The following ORMDL2 variants were observed in gnomAD, a reference collection of about 807,000 sequenced individuals.
ORMDL2 encodes ORM1-like protein 2.
In ORMDL2, 11 loss-of-function variants were observed where a neutral mutation model predicts 13.5. The ratio of observed to expected loss-of-function variants is 0.82; its 90% confidence interval spans 0.51 to 1.35. The LOEUF is 1.35. Among genes scored for constraint, ORMDL2 ranks in the 40% most tolerant of loss-of-function variants. The probability of loss-of-function intolerance (pLI) is 0.00; values close to 1 mark genes in which losing one functional copy is unlikely to be tolerated. For missense variants in ORMDL2, 160 were observed against 191.1 expected (o/e 0.84, Z 0.96); for synonymous variants, 73 against 76.5 (o/e 0.95, Z 0.24).
At position 55,820,519 on chromosome 12, in the gene ORMDL2, T is replaced by G. The variant is rs1880638535; in HGVS notation, c.*124T>G. 8.8e-7 allele frequency: 1 copy of G among 1,135,570 alleles called. No homozygotes were observed. Among genetic ancestry groups the G allele is most frequent in the Admixed American group, 1.8e-5 (1 of 54,894 alleles). 70.3% of individuals were successfully genotyped at this position (1,135,570 alleles called of 1,614,324 possible). On this transcript the variant is annotated 3_prime_UTR_variant, in exon 4 of 4. Transcript: ENST00000243045. Reference sequence around the variant, plus strand: ...TTTAAAGCCTGAGAACTATACAACCTTTCCCAGACTCCCAAGAAGAGAAGA... The same window carrying G: ...TTTAAAGCCTGAGAACTATACAACCGTTCCCAGACTCCCAAGAAGAGAAGA...
chr12:55,818,237 A>T (rs1880567436), intron 1 of ORMDL2, 125 bp downstream of exon 1: 1 of 324,096 alleles, frequency 3.1e-6, no homozygotes, highest in Non-Finnish European at 6.3e-6. Context: ...AAAACCGATG[A>T]ACATGAGGAG....
chr12:55,820,309 A>G lies in ORMDL2; in HGVS notation c.376A>G (p.Ile126Val). 6.2e-7 allele frequency: 1 copy of G among 1,613,960 alleles called. No homozygotes were observed. The highest frequency in any genetic ancestry group is 1.1e-5 in the South Asian group (1 of 91,074). The change falls in exon 4 of 4, where the codon ATC (isoleucine) becomes GTC (valine). Residue 126 changes from isoleucine to valine, a missense_variant. By Grantham distance (29) the Ile-to-Val change is conservative. Coordinates refer to ENST00000243045, the MANE Select transcript of ORMDL2 (RefSeq NM_014182.5). Reference sequence around the variant, plus strand: ...CAAGTATGATGCTGCGCACTTCCTCATCAACACAGCCTCATTGCTAAGTGT... The same window carrying G: ...CAAGTATGATGCTGCGCACTTCCTCGTCAACACAGCCTCATTGCTAAGTGT... ...YTKYDAAHFLINTASLLSVLL... is the reference protein window; with the variant it reads ...YTKYDAAHFLVNTASLLSVLL...
chr12:55,819,094 T>G lies in ORMDL2; in HGVS notation c.95T>G (p.Leu32Trp), dbSNP rs1325432977. ...IWLAYIILVG[L>W]LHMVLLSIPF... ...CTGGCCTACATCATCTTGGTAGGATTGCTGCATATGGTTCTACTCAGCATC... is the reference window on the plus strand; with the variant it reads ...CTGGCCTACATCATCTTGGTAGGATGGCTGCATATGGTTCTACTCAGCATC... The change falls in exon 2 of 4, where the codon TTG becomes TGG. Residue 32 changes from leucine to tryptophan, a missense_variant. By Grantham distance (61) the Leu-to-Trp change is moderately conservative. Transcript: ENST00000243045. The G allele has an allele frequency of 6.2e-7, 1 of 1,614,174 alleles. No homozygotes were observed. The highest frequency in any genetic ancestry group is 8.5e-7 in the Non-Finnish European group (1 of 1,180,008).
rs111416072 is a variant in ORMDL2 at position 55,820,527 on chromosome 12, A to G, written c.*132A>G. The G allele has an allele frequency of 1.0e-5, 11 of 1,093,966 alleles. No homozygotes were observed. Among genetic ancestry groups the G allele is most frequent in the African/African-American group, 9.3e-5 (6 of 64,654 alleles). The allele number at this position is 1,093,966 out of a possible 1,614,324, so 67.8% of individuals were successfully genotyped here. On this transcript the variant is annotated 3_prime_UTR_variant, in exon 4 of 4. Coordinates refer to ENST00000243045, the MANE Select transcript of ORMDL2 (RefSeq NM_014182.5). ...CTGAGAACTATACAACCTTTCCCAG[A>G]CTCCCAAGAAGAGAAGAGATTGGCA...
chr12:55,818,140 G>A (rs922856745), intron 1 of ORMDL2, 28 bp downstream of exon 1: 16 of 465,694 alleles, frequency 3.4e-5, no homozygotes, highest in African/African-American at 3.2e-4. Flanking sequence ...TGTAAGGGTT[G>A]CTGAGGAAAA....
Position 55,820,449 on chromosome 12 carries a change from A to G in ORMDL2, c.*54A>G. The G allele has an allele frequency of 6.4e-7, 1 of 1,574,774 alleles. No individual in the cohort carries two copies. The highest frequency in any genetic ancestry group is 8.7e-7 in the Non-Finnish European group (1 of 1,144,186). The stretch of plus-strand genomic sequence containing the variant: ...CATGGGGAAGGCACTGAAACAGAGG[A>G]CTATAAAACATCCTTCTCTTATTCT... On this transcript the variant is annotated 3_prime_UTR_variant, in exon 4 of 4. Transcript: ENST00000243045.
rs1386489389 is a variant in ORMDL2, at chr12:55,820,537, A to G, written c.*142A>G. 2.0e-6 allele frequency: 2 copies of G among 1,023,990 alleles called. No homozygotes were observed. The highest frequency in any genetic ancestry group is 3.2e-5 in the African/African-American group (2 of 62,702). 63.4% of individuals were successfully genotyped at this position (1,023,990 alleles called of 1,614,324 possible). On this transcript the variant is annotated 3_prime_UTR_variant, in exon 4 of 4. Coordinates refer to ENST00000243045, the MANE Select transcript of ORMDL2 (RefSeq NM_014182.5). ...TACAACCTTTCCCAGACTCCCAAGA[A>G]GAGAAGAGATTGGCAAATGGGGCTC... is the stretch of plus-strand genomic sequence containing the variant.
At chr12:55,820,146 G>C in intron 3 of ORMDL2, 114 bp from the exon 4 acceptor site, 1 of 940,312 alleles carries the variant, frequency 1.1e-6, no homozygotes, top group Non-Finnish European at 1.6e-6. Context: ...TCACACTTAT[G>C]AATAGCCACT....
Position 55,821,855 on chromosome 12 carries a change from CAAAAAA to C in ORMDL2, c.*1461_*1466del. 8.5e-7 allele frequency: 1 copy of C among 1,174,404 alleles called. No individual in the cohort carries two copies. Among genetic ancestry groups the C allele is most frequent in the Non-Finnish European group, 1.2e-6 (1 of 843,400 alleles). 72.7% of individuals were successfully genotyped at this position (1,174,404 alleles called of 1,614,324 possible). ...TGGGCAACAGAGCAAGACTCCATCT[CAAAAAA>C]TAAAAAGAAAAAGATTCAGTTCCTA... is the stretch of plus-strand genomic sequence containing the variant. On this transcript the variant is annotated 3_prime_UTR_variant, in exon 4 of 4. Transcript: ENST00000243045.
Position 55,819,013 on chromosome 12 carries a change from T to C in ORMDL2, c.14T>C (p.Val5Ala). The part of the protein sequence containing the change: MNVG[V>A]AHSEVNPNTR... ...ATTACGGCTAGGATGAATGTGGGGG[T>C]GGCACACAGCGAAGTAAACCCCAAC... The change falls in exon 2 of 4, where the codon GTG (valine) becomes GCG (alanine). Residue 5 changes from valine to alanine, a missense_variant. By Grantham distance (64) the Val-to-Ala change is moderately conservative. Transcript: ENST00000243045. 2 of 1,613,376 alleles carry C rather than the reference T, an allele frequency of 1.2e-6. No individual in the cohort carries two copies. Among genetic ancestry groups the C allele is most frequent in the South Asian group, 1.1e-5 (1 of 91,056 alleles).
Position 55,818,304 on chromosome 12 carries a change from C to A in ORMDL2, c.-2+192C>A, listed in dbSNP as rs538258075. On this transcript the variant is annotated intron_variant, in intron 1 of 3. Transcript: ENST00000243045. ...GAACTGGCGGTGGGGCTGGGGCGGG[C>A]AAGAGCCGCTTCCTAACCAGACATC... The A allele has an allele frequency of 9.8e-4, 324 of 329,974 alleles. 3 individuals carry two copies. The highest frequency in any genetic ancestry group is 1.4e-3 in the Non-Finnish European group (237 of 165,332). The allele number at this position is 329,974 out of a possible 1,614,324, so 20.4% of individuals were successfully genotyped here.
rs577712540 is a variant in ORMDL2 at position 55,820,701 on chromosome 12, T to TA, written c.*307dup. On this transcript the variant is annotated 3_prime_UTR_variant, in exon 4 of 4. Coordinates refer to ENST00000243045, the MANE Select transcript of ORMDL2 (RefSeq NM_014182.5). ...TACATCTTTCCATATCTTTTACACTTACCACCTTCCAGCTCTGTTTTGCTG... is the reference window on the plus strand; with the variant it reads ...TACATCTTTCCATATCTTTTACACTTAACCACCTTCCAGCTCTGTTTTGCTG... 215 of 348,126 alleles carry TA rather than the reference T, an allele frequency of 6.2e-4. 1 individual carries two copies. Among genetic ancestry groups the TA allele is most frequent in the Non-Finnish European group, 9.3e-4 (171 of 184,426 alleles). The allele number at this position is 348,126 out of a possible 1,614,324, so 21.6% of individuals were successfully genotyped here. A position where few individuals can be genotyped will look rare whatever the true frequency, so the allele number is the denominator to read the frequency against.
rs996697107 is a variant in ORMDL2 at position 55,818,120 on chromosome 12, C to T, written c.-2+8C>T. 1.0e-5 allele frequency: 5 copies of T among 477,158 alleles called. No individual in the cohort carries two copies. The highest frequency in any genetic ancestry group is 3.9e-5 in the African/African-American group (2 of 50,908). 29.6% of individuals were successfully genotyped at this position (477,158 alleles called of 1,614,324 possible). Reference sequence around the variant, plus strand: ...GGGGATCTGAGCTGGCAGGTAGGAGCTGCAAAGACTGTAAGGGTTGCTGAG... The same window carrying T: ...GGGGATCTGAGCTGGCAGGTAGGAGTTGCAAAGACTGTAAGGGTTGCTGAG... On this transcript the variant is annotated splice_region_variant and intron_variant, in intron 1 of 3. Transcript: ENST00000243045.
rs150946604 is a variant in ORMDL2 at position 55,819,402 on chromosome 12, A to G, written c.235A>G (p.Lys79Glu). ...GTPFETPDQGKARLLTHWEQM... is the reference protein window; with the variant it reads ...GTPFETPDQGEARLLTHWEQM... The stretch of plus-strand genomic sequence containing the variant: ...ACCCTTTGAGACTCCTGACCAAGGA[A>G]AGGCTCGGCTACTGACACACTGGGA... The change falls in exon 3 of 4, where the codon AAG (lysine) becomes GAG (glutamate). Residue 79 changes from lysine to glutamate, a missense_variant. By Grantham distance (56) the Lys-to-Glu change is moderately conservative. Coordinates refer to ENST00000243045, the MANE Select transcript of ORMDL2 (RefSeq NM_014182.5). 322 of 1,614,114 alleles carry G rather than the reference A, an allele frequency of 2.0e-4. 3 individuals carry two copies. In the East Asian group the frequency reaches 4.5e-3, roughly 22 times the overall value.
rs774644163 is a variant in ORMDL2 at position 55,820,372 on chromosome 12, G to T, written c.439G>T (p.Val147Phe). 1.9e-6 allele frequency: 3 copies of T among 1,614,178 alleles called. No individual in the cohort carries two copies. The South Asian group carries it at 3.3e-5, about 18-fold the overall frequency. ...PKLPQFHGVR[V>F]FGINKY ...GTTGCCCCAGTTCCATGGGGTTCGT[G>T]TCTTTGGCATCAACAAATACTGAGG... The change falls in exon 4 of 4, where the codon GTC becomes TTC. Residue 147 changes from valine (V) to phenylalanine (F), a missense_variant. By Grantham distance (50) the Val-to-Phe change is conservative (BLOSUM62 -1). Transcript: ENST00000243045.
chr12:55,820,143 T>TA, intron 3 of ORMDL2, 117 bp from the exon 4 acceptor site: 2 of 923,662 alleles, frequency 2.2e-6, no homozygotes, highest in Non-Finnish European at 3.4e-6. Context: ...GTATCACACT[T>TA]ATGAATAGCC....
chr12:55,819,725 GAA>G (rs34435615), intron 3 of ORMDL2, among the ~76,000 whole-genome samples: 1 of 152,178 alleles, frequency 6.6e-6, no homozygotes, highest in African/African-American at 2.4e-5. Flanking sequence ...AAGGGACTGA[GAA>G]AAGATAAGTG....
At chr12:55,819,221 A>G (rs779896380) in intron 2 of ORMDL2, 48 bp downstream of exon 2, 3 of 1,594,946 alleles carry the variant, frequency 1.9e-6, no homozygotes, top group Non-Finnish European at 2.6e-6. Flanking sequence ...TTTCCCAACC[A>G]AAAGCAAAAT....
intron 1 of ORMDL2, 50 bp from the exon 2 acceptor site, chr12:55,818,949 G>T: frequency 1.3e-6 from 2 of 1,549,298 alleles, no homozygotes; most frequent in Non-Finnish European, 1.8e-6. Flanking sequence ...CTCAAGAGGG[G>T]TTGAGAAAAA....
Sources: gnomAD v4.1 joint callset for allele counts (sites outside exome capture counted in the v4.1 genomes callset) on GRCh38, gnomAD v4.1.1 for gene constraint, MANE v1.5 for transcripts, NCBI Gene and HGNC (gene_info 2026-07-23, HGNC 2026-07-21) for gene names.